Variants in LIPJ observed in about 807,000 individuals in gnomAD.
The protein encoded by LIPJ is lipase family member J.
In LIPJ, 33 loss-of-function variants were observed where a neutral mutation model predicts 39.8. That is an observed-to-expected ratio of 0.83 (90% CI 0.63 to 1.11). The LOEUF (loss-of-function observed/expected upper bound fraction) is 1.11. LIPJ is among the 50% of genes least tolerant of loss of function. The pLI is 0.00. For synonymous variants in LIPJ, 128 were observed against 139.2 expected, an observed-to-expected ratio of 0.92 and a Z score of 0.57; for missense variants, 422 against 427.9, an observed-to-expected ratio of 0.99 and a Z score of 0.12.
the LIPJ span, among the ~76,000 whole-genome samples, chr10:88,621,442 A>G: frequency 6.6e-6 from 1 of 152,196 alleles, no homozygotes; most frequent in Non-Finnish European, 1.5e-5. Context: ...TTCCATTTAT[A>G]TAACATTCTG....
At chr10:88,607,741 G>A (rs1851701574), downstream of LIPJ, among the ~76,000 whole-genome samples, 5 of 152,182 alleles carry the variant, frequency 3.3e-5, no homozygotes, top group South Asian at 1.0e-3. Context: ...CACGGAATGT[G>A]GCAAGACAAT....
At chr10:88,583,374 G>C (rs140037736), upstream of LIPJ, 431 of 1,393,204 alleles carry the variant, frequency 3.1e-4, 3 homozygotes, top group African/African-American at 5.1e-3. Flanking sequence ...GGAGCTGAGA[G>C]GCCCCTCCGT....
chr10:88,614,803 T>G, the LIPJ span, among the ~76,000 whole-genome samples: 1 of 152,154 alleles, frequency 6.6e-6, no homozygotes. Context: ...ATTATAAAAT[T>G]ACAGTACTTA....
chr10:88,610,550 A>C (rs573643940), downstream of LIPJ, among the ~76,000 whole-genome samples: 35 of 152,248 alleles, frequency 2.3e-4, no homozygotes, highest in African/African-American at 8.4e-4. Flanking sequence ...AGAAATTGTT[A>C]TATTAATTCT....
At chr10:88,603,758 T>G (rs1326595285) in intron 9 of LIPJ, among the ~76,000 whole-genome samples, 3 of 152,340 alleles carry the variant, frequency 2.0e-5, no homozygotes, top group African/African-American at 7.2e-5. Context: ...TAAAGTATTG[T>G]TAAGATATTG....
chr10:88,616,565 C>T, the LIPJ span, among the ~76,000 whole-genome samples: 23 of 152,210 alleles, frequency 1.5e-4, no homozygotes, highest in African/African-American at 4.1e-4. Flanking sequence ...GGGGGATCCT[C>T]AGGCAGGCAC....
the LIPJ span, among the ~76,000 whole-genome samples, chr10:88,619,723 A>G: frequency 6.6e-6 from 1 of 152,182 alleles, no homozygotes; most frequent in Admixed American, 6.5e-5. Context: ...AAACTTTGAC[A>G]CATACATCAC....
chr10:88,591,828 T>G (rs2134545474), intron 4 of LIPJ: 1 of 158,256 alleles, frequency 6.3e-6, no homozygotes, highest in African/African-American at 2.4e-5. Flanking sequence ...ATGCTCTAGG[T>G]TTTGAAGAAA....
chr10:88,590,520 C>T, intron 2 of LIPJ, 65 bp from the exon 3 acceptor site: 1 of 528,738 alleles, frequency 1.9e-6, no homozygotes, highest in South Asian at 2.1e-5. Context: ...TTATTGGCTG[C>T]AGTTTTATAA....
chr10:88,587,179 C>T (rs565868100), intron 1 of LIPJ, 87 bp from the exon 2 acceptor site: 5 of 151,208 alleles, frequency 3.3e-5, no homozygotes, highest in Admixed American at 6.6e-5. Flanking sequence ...TTTGGATTAA[C>T]GTATGGGAAA....
At chr10:88,594,425 T>G in intron 5 of LIPJ, 1 of 470,562 alleles carries the variant, frequency 2.1e-6, no homozygotes, top group Non-Finnish European at 3.7e-6. Context: ...TCATATATTT[T>G]GTCTACCCTA....
chr10:88,614,163 AT>A, the LIPJ span, among the ~76,000 whole-genome samples: 1 of 151,926 alleles, frequency 6.6e-6, no homozygotes, highest in African/African-American at 2.4e-5. Flanking sequence ...AATGTTAAAA[AT>A]ATTTTAGTAA....
At chr10:88,587,790 A>T (rs907315813) in intron 2 of LIPJ, among the ~76,000 whole-genome samples, 3 of 152,048 alleles carry the variant, frequency 2.0e-5, no homozygotes, top group Admixed American at 2.0e-4. Context: ...AGTAACTCAA[A>T]TTGAAGTAAT....
chr10:88,610,760 A>T (rs924142601), downstream of LIPJ, among the ~76,000 whole-genome samples: 10 of 152,246 alleles, frequency 6.6e-5, no homozygotes, highest in Admixed American at 6.5e-4. Flanking sequence ...TTTAACAAAG[A>T]TGCTTAAGTA....
intron 4 of LIPJ, chr10:88,592,924 A>G (rs1851130839): frequency 6.6e-6 from 1 of 151,932 alleles, no homozygotes; most frequent in Non-Finnish European, 1.5e-5. Flanking sequence ...TCCACCATCT[A>G]TTCTAGCTTT....
Position 88,606,855 on chromosome 10 carries a change from T to C in LIPJ, c.1049T>C (p.Val350Ala), listed in dbSNP as rs763129851. 8 of 1,598,898 alleles carry C rather than the reference T, an allele frequency of 5.0e-6. No homozygotes were observed. The highest frequency in any genetic ancestry group is 6.8e-6 in the Non-Finnish European group (8 of 1,171,238). The change falls in exon 11 of 11, where the codon GTC becomes GCC. Residue 350 changes from valine to alanine, a missense_variant. Transcript: ENST00000371939. Reference sequence around the variant, plus strand: ...ATAGACTCTTTGTTTGGATTAGATGTCTATGATCAAGTTTACCATGAAATC... The same window carrying C: ...ATAGACTCTTTGTTTGGATTAGATGCCTATGATCAAGTTTACCATGAAATC...
chr10:88,599,701 A>T (rs1354335992), intron 8 of LIPJ, among the ~76,000 whole-genome samples: 1 of 151,648 alleles, frequency 6.6e-6, no homozygotes, highest in Non-Finnish European at 1.5e-5. Context: ...ACACACACAC[A>T]CACACACACA....
intron 8 of LIPJ, among the ~76,000 whole-genome samples, chr10:88,598,818 A>G (rs561002576): frequency 6.6e-6 from 1 of 151,816 alleles, no homozygotes; most frequent in South Asian, 2.1e-4. Flanking sequence ...ACTAAGCATT[A>G]TATTGGAGCT....
intron 8 of LIPJ, among the ~76,000 whole-genome samples, chr10:88,601,436 C>CTCTT (rs1042456913): frequency 6.6e-6 from 1 of 152,172 alleles, no homozygotes; most frequent in Non-Finnish European, 1.5e-5. Flanking sequence ...TCATTCACTT[C>CTCTT]TCTTTAATTC....
Sources: gnomAD v4.1 joint callset for allele counts (sites outside exome capture counted in the v4.1 genomes callset) on GRCh38, gnomAD v4.1.1 for gene constraint, MANE v1.5 for transcripts, NCBI Gene and HGNC (gene_info 2026-07-23, HGNC 2026-07-21) for gene names.